CCDC92: variants seen among roughly 807,000 people sequenced by gnomAD.
CCDC92 encodes coiled-coil domain-containing protein 92.
A neutral mutation model predicts 24.9 loss-of-function variants in CCDC92; 12 were observed. The observed-to-expected ratio is 0.48, with a 90% confidence interval of 0.31 to 0.78. The LOEUF (loss-of-function observed/expected upper bound fraction) is 0.78, where lower values mean the gene tolerates loss of function less well. CCDC92 is among the 30% of genes least tolerant of loss of function. The pLI, the probability that CCDC92 is intolerant of heterozygous loss-of-function variation, is 0.05. For missense variants in CCDC92, 399 were observed against 439.4 expected (o/e 0.91, Z 0.82); for synonymous variants, 193 against 196.3 (o/e 0.98, Z 0.14).
chr12:123,959,139 TC>T (rs1195017792), intron 1 of CCDC92, among the ~76,000 whole-genome samples: 1 of 152,198 alleles, frequency 6.6e-6, no homozygotes, highest in South Asian at 2.1e-4. Flanking sequence ...CACACGTAAC[TC>T]CCGTGCCTTA....
In CCDC92 at chr12:123,936,769, G is replaced by A. The variant is rs1324458585; in HGVS notation, c.*289C>T. On this transcript the variant is annotated 3_prime_UTR_variant, in exon 5 of 5. Coordinates refer to ENST00000238156, the MANE Select transcript of CCDC92 (RefSeq NM_025140.3). ...CATCGTGAACATCAGTAGTGACGCA[G>A]CCGTGGCCTGGGCTTTGCCTGCAGC... 5 of 550,606 alleles carry A rather than the reference G, an allele frequency of 9.1e-6. No individual in the cohort carries two copies. Among genetic ancestry groups the A allele is most frequent in the African/African-American group, 7.6e-5 (4 of 52,798 alleles). 34.1% of individuals were successfully genotyped at this position (550,606 alleles called of 1,614,324 possible). A position where few individuals can be genotyped will look rare whatever the true frequency, so the allele number is the denominator to read the frequency against.
intron 1 of CCDC92, 135 bp from the exon 2 acceptor site, chr12:123,944,499 G>A (rs1955787028): frequency 1.1e-5 from 6 of 526,464 alleles, no homozygotes; most frequent in East Asian, 7.0e-5. Flanking sequence ...CTCCCAGGAC[G>A]CAGCCCATTT....
At chr12:123,944,393 A>G in intron 1 of CCDC92, 29 bp from the exon 2 acceptor site, 1 of 1,163,228 alleles carries the variant, frequency 8.6e-7, no homozygotes, top group Non-Finnish European at 1.2e-6. Context: ...TTATTTGCTT[A>G]TAAATTATTA....
In CCDC92 at chr12:123,937,138, C is replaced by T. The variant is rs777802261; in HGVS notation, c.916G>A (p.Glu306Lys). ...HHATPPQAQP[E>K]VKTLAVDQVN... Reference sequence around the variant, plus strand: ...TGGTCGACCGCCAGGGTCTTCACCTCGGGCTGGGCCTGCGGCGGGGTGGCG... The same window carrying T: ...TGGTCGACCGCCAGGGTCTTCACCTTGGGCTGGGCCTGCGGCGGGGTGGCG... The change falls in exon 5 of 5, where the codon GAG becomes AAG. Residue 306 changes from glutamate to lysine, a missense_variant. Transcript: ENST00000238156. This position sits in a 1 kb window ranked among gnomAD's most constrained non-coding sequence, Gnocchi z 8.4. 2.2e-5 allele frequency: 35 copies of T among 1,613,098 alleles called. No individual in the cohort carries two copies. The highest frequency in any genetic ancestry group is 7.7e-5 in the South Asian group (7 of 91,078).
chr12:123,937,620 G>C lies in CCDC92; in HGVS notation c.434C>G (p.Ser145Cys). The C allele has an allele frequency of 1.9e-6, 3 of 1,613,870 alleles. No homozygotes were observed. The highest frequency in any genetic ancestry group is 2.5e-6 in the Non-Finnish European group (3 of 1,180,034). The change falls in exon 5 of 5, where the codon TCT becomes TGT. Residue 145 changes from serine to cysteine, a missense_variant. By Grantham distance (112) the Ser-to-Cys change is moderately radical. Coordinates refer to ENST00000238156, the MANE Select transcript of CCDC92 (RefSeq NM_025140.3). This position sits in a 1 kb window ranked among gnomAD's most constrained non-coding sequence, Gnocchi z 8.4. ...GCTGGCCCGCTGCTCCAGCTCGCTA[G>C]ACAGCAGGGTCAGCTTGTGACTCTT... is the stretch of plus-strand genomic sequence containing the variant. ...KAKSHKLTLL[S>C]SELEQRASTI...
At chr12:123,964,595 A>G (rs1304274752) in intron 1 of CCDC92, among the ~76,000 whole-genome samples, 1 of 152,202 alleles carries the variant, frequency 6.6e-6, no homozygotes, top group East Asian at 1.9e-4. Context: ...CAAAAAGTAG[A>G]ATTTTTTCAC....
intron 1 of CCDC92, among the ~76,000 whole-genome samples, chr12:123,956,700 G>A (rs960036261): frequency 1.3e-5 from 2 of 152,202 alleles, no homozygotes; most frequent in Non-Finnish European, 2.9e-5. Flanking sequence ...GTGAGAGAAC[G>A]GTAGAAGGCA....
chr12:123,937,349 T>G lies in CCDC92; in HGVS notation c.705A>C (p.Glu235Asp). The G allele has an allele frequency of 6.2e-7, 1 of 1,613,984 alleles. No homozygotes were observed. The highest frequency in any genetic ancestry group is 1.1e-5 in the South Asian group (1 of 91,082). The change falls in exon 5 of 5, where the codon GAA becomes GAC. Residue 235 changes from glutamate (E) to aspartate (D), a missense_variant. Glu to Asp is a conservative substitution (Grantham distance 45). Coordinates refer to ENST00000238156, the MANE Select transcript of CCDC92 (RefSeq NM_025140.3). This position sits in a 1 kb window ranked among gnomAD's most constrained non-coding sequence, Gnocchi z 8.4. ...GAESRKLLLR[E>D]PVDAMPDPTP... ...TGGGGTCGGGCATAGCATCCACTGG[T>G]TCCCGCAAAAGGAGTTTCCTGCTCT...
intron 1 of CCDC92, among the ~76,000 whole-genome samples, chr12:123,969,789 G>A (rs1226610518): frequency 1.3e-5 from 2 of 152,068 alleles, no homozygotes; most frequent in East Asian, 1.9e-4. Flanking sequence ...GTAAAAGAAC[G>A]ATTCACCTTC....
intron 1 of CCDC92, among the ~76,000 whole-genome samples, chr12:123,971,040 A>G (rs979091340): frequency 1.3e-5 from 2 of 152,242 alleles, no homozygotes; most frequent in African/African-American, 4.8e-5. Context: ...GTTAATAAAA[A>G]TATCTAATTT....
chr12:123,957,520 TTGAGGA>T (rs1956174965), intron 1 of CCDC92, among the ~76,000 whole-genome samples: 1 of 152,166 alleles, frequency 6.6e-6, no homozygotes, highest in South Asian at 2.1e-4. Flanking sequence ...GCAATCATGT[TTGAGGA>T]TAACTGTCCT....
chr12:123,936,373 G>GTGTT lies in CCDC92; in HGVS notation c.*681_*684dup, dbSNP rs551156640. ...CTGCAGTCTCCTAGCCCTCCTTCAG[G>GTGTT]TGTTTGTTTAATAAAAGACACAAAA... On this transcript the variant is annotated 3_prime_UTR_variant, in exon 5 of 5. Transcript: ENST00000238156. 16 of 152,562 alleles carry GTGTT rather than the reference G, an allele frequency of 1.0e-4. No individual in the cohort carries two copies. Among genetic ancestry groups the GTGTT allele is most frequent in the Non-Finnish European group, 2.3e-4 (16 of 68,222 alleles). 9.5% of individuals were successfully genotyped at this position (152,562 alleles called of 1,614,324 possible). A position where few individuals can be genotyped will look rare whatever the true frequency, so the allele number is the denominator to read the frequency against.
chr12:123,945,042 G>A (rs1382750011), intron 1 of CCDC92: 1 of 152,170 alleles, frequency 6.6e-6, no homozygotes, highest in African/African-American at 2.4e-5. Flanking sequence ...AAAAGAGGTA[G>A]CTGTGAGAAT....
chr12:123,955,649 C>CT lies in CCDC92; in HGVS notation c.-59-11286dup, dbSNP rs113860966. On this transcript the variant is annotated intron_variant, in intron 1 of 4. Coordinates refer to ENST00000238156, the MANE Select transcript of CCDC92 (RefSeq NM_025140.3). The stretch of plus-strand genomic sequence containing the variant: ...ATTTAGTAATTGAAGCTCTATACAC[C>CT]TTTTTTTTTGGTGGGGGGGAGACAG... 4.2e-3 allele frequency among the ~76,000 whole-genome samples: 628 copies of CT among 150,824 alleles called. 6 individuals carry two copies. The highest frequency in any genetic ancestry group is 0.014 in the African/African-American group (582 of 41,170).
intron 1 of CCDC92, chr12:123,946,412 C>T (rs1244099801): frequency 6.6e-6 from 1 of 152,544 alleles, no homozygotes; most frequent in African/African-American, 2.4e-5. Flanking sequence ...GCCTCTCTCC[C>T]ACCCACCTCT....
chr12:123,948,879 G>T (rs903017420), intron 1 of CCDC92, among the ~76,000 whole-genome samples: 1 of 152,162 alleles, frequency 6.6e-6, no homozygotes, highest in Non-Finnish European at 1.5e-5. Context: ...GTTTTCCATT[G>T]CGATCCTTCA....
chr12:123,941,067 C>A (rs768711173), intron 4 of CCDC92, among the ~76,000 whole-genome samples: 1 of 152,182 alleles, frequency 6.6e-6, no homozygotes, highest in Non-Finnish European at 1.5e-5. Context: ...AGAACCGTGA[C>A]TGGAGAGGCC....
intron 1 of CCDC92, among the ~76,000 whole-genome samples, chr12:123,957,079 G>T (rs568978339): frequency 6.6e-6 from 1 of 152,254 alleles, no homozygotes; most frequent in Admixed American, 6.5e-5. Context: ...CCCCATAATG[G>T]GGTTAATTAT....
In CCDC92 at chr12:123,937,623, A is replaced by T. The variant is rs757033113; in HGVS notation, c.431T>A (p.Leu144Gln). Residue 144 changes from leucine to glutamine, a missense_variant, in exon 5 of 5, where the codon CTG (leucine) becomes CAG (glutamine). Leu to Gln is a moderately radical substitution (Grantham distance 113, BLOSUM62 -2). Coordinates refer to ENST00000238156, the MANE Select transcript of CCDC92 (RefSeq NM_025140.3). The surrounding 1 kb of genome is among the most constrained non-coding windows in gnomAD (Gnocchi z 8.4). ...GGCCCGCTGCTCCAGCTCGCTAGAC[A>T]GCAGGGTCAGCTTGTGACTCTTGGC... The part of the protein sequence containing the change: ...LKAKSHKLTL[L>Q]SSELEQRAST... The T allele has an allele frequency of 6.2e-7, 1 of 1,613,920 alleles. No homozygotes were observed. The highest frequency in any genetic ancestry group is 8.5e-7 in the Non-Finnish European group (1 of 1,180,010).
Sources: allele counts gnomAD v4.1 joint callset (sites outside exome capture counted in the v4.1 genomes callset), GRCh38; gene constraint gnomAD v4.1.1; non-coding constraint Gnocchi (gnomAD v3.1); transcripts MANE v1.5; gene names NCBI Gene and HGNC (gene_info 2026-07-23, HGNC 2026-07-21).